Variants in ADORA1 observed in about 807,000 individuals in gnomAD.
The protein encoded by ADORA1 is adenosine A1 receptor.
A neutral mutation model predicts 19.9 loss-of-function variants in ADORA1; 6 were observed. The ratio of observed to expected loss-of-function variants is 0.30; its 90% CI spans 0.17 to 0.59. The LOEUF is 0.59. Ranked by LOEUF, ADORA1 falls within the 20% of genes least tolerant of loss-of-function variation. The pLI is 0.87. For synonymous variants in ADORA1, 194 were observed against 188.4 expected (o/e 1.03, Z -0.24); for missense variants, 302 against 439.2 (o/e 0.69, Z 2.79).
intron 3 of ADORA1, among the ~76,000 whole-genome samples, chr1:203,134,138 G>C (rs1167509787): frequency 6.6e-6 from 1 of 152,188 alleles, no homozygotes; most frequent in East Asian, 1.9e-4. Context: ...GCGGACTGAG[G>C]AGGAAACTGA....
At position 203,166,563 on chromosome 1, in the gene ADORA1, G is replaced by A. The variant is rs1284174511; in HGVS notation, c.*663G>A. ...GATTGTACGTGGGAGAGGCAGAAAGGGTAGGTTCAGTAATCATTTCTGATA... is the reference window on the plus strand; with the variant it reads ...GATTGTACGTGGGAGAGGCAGAAAGAGTAGGTTCAGTAATCATTTCTGATA... On this transcript the variant is annotated 3_prime_UTR_variant, in exon 4 of 4. Coordinates refer to ENST00000337894, the MANE Select transcript of ADORA1 (RefSeq NM_000674.3). The A allele has an allele frequency of 6.6e-6, 1 of 152,494 alleles. No individual in the cohort carries two copies. Among genetic ancestry groups the A allele is most frequent in the African/African-American group, 2.4e-5 (1 of 41,448 alleles). The allele number at this position is 152,494 out of a possible 1,614,324, so 9.4% of individuals were successfully genotyped here.
At position 203,166,217 on chromosome 1, in the gene ADORA1, C is replaced by T. The variant is rs1655549669; in HGVS notation, c.*317C>T. ...TCCAGAGCTTCAGGGCTGGGCAGGT[C>T]CTGGGGAGGCTGAGACTGCAGAGGA... is the stretch of plus-strand genomic sequence containing the variant. On this transcript the variant is annotated 3_prime_UTR_variant, in exon 4 of 4. Coordinates refer to ENST00000337894, the MANE Select transcript of ADORA1 (RefSeq NM_000674.3). The T allele has an allele frequency of 7.7e-6, 2 of 258,296 alleles. No individual in the cohort carries two copies. The highest frequency in any genetic ancestry group is 1.5e-5 in the Non-Finnish European group (2 of 137,368). 16.0% of individuals were successfully genotyped at this position (258,296 alleles called of 1,614,324 possible).
At position 203,128,493 on chromosome 1, in the gene ADORA1, C is replaced by T. The variant is rs1654226127; in HGVS notation, c.-58+61C>T. On this transcript the variant is annotated intron_variant, in intron 2 of 3. Coordinates refer to ENST00000337894, the MANE Select transcript of ADORA1 (RefSeq NM_000674.3). The surrounding 1 kb of genome is among the most constrained non-coding windows in gnomAD (Gnocchi z 5.9). Reference sequence around the variant, plus strand: ...GGGCAGAGCCAGTCATGGGAGACCCCTCTGTGCGTGTGTCTGTGTGTGCGC... The same window carrying T: ...GGGCAGAGCCAGTCATGGGAGACCCTTCTGTGCGTGTGTCTGTGTGTGCGC... 7 of 1,212,348 alleles carry T rather than the reference C, an allele frequency of 5.8e-6. No individual in the cohort carries two copies. The highest frequency in any genetic ancestry group is 7.6e-6 in the Non-Finnish European group (7 of 920,382). 75.1% of individuals were successfully genotyped at this position (1,212,348 alleles called of 1,614,324 possible). A position where few individuals can be genotyped will look rare whatever the true frequency, so the allele number is the denominator to read the frequency against.
At chr1:203,157,535 G>A (rs1337363524) in intron 3 of ADORA1, among the ~76,000 whole-genome samples, 1 of 152,222 alleles carries the variant, frequency 6.6e-6, no homozygotes, top group Non-Finnish European at 1.5e-5. Flanking sequence ...CAGTGCTGGT[G>A]TCTGGGCAGT....
At position 203,163,861 on chromosome 1, in the gene ADORA1, C is replaced by T. The variant is rs115378729; in HGVS notation, c.342-1400C>T. ...AGCCGCAGATTCTGCATCCCTGGGG[C>T]GGAAGGAAACAGTCGGCAGCCTCTC... On this transcript the variant is annotated intron_variant, in intron 3 of 3. Transcript: ENST00000337894. 4.2e-3 allele frequency among the ~76,000 whole-genome samples: 647 copies of T among 152,260 alleles called. 7 individuals are homozygous for T. The highest frequency in any genetic ancestry group is 0.013 in the African/African-American group (553 of 41,538).
chr1:203,165,166 C>A lies in ADORA1; in HGVS notation c.342-95C>A. ...CCGGGCCCTGGAAGAGGAGGGTGCTCCTCTTAGAGGCCCCTGGAGGCCAGG... is the reference window on the plus strand; with the variant it reads ...CCGGGCCCTGGAAGAGGAGGGTGCTACTCTTAGAGGCCCCTGGAGGCCAGG... On this transcript the variant is annotated intron_variant, in intron 3 of 3. Coordinates refer to ENST00000337894, the MANE Select transcript of ADORA1 (RefSeq NM_000674.3). The surrounding 1 kb of genome is among the most constrained non-coding windows in gnomAD (Gnocchi z 5.9). 6.3e-7 allele frequency: 1 copy of A among 1,591,960 alleles called. No individual in the cohort carries two copies. The highest frequency in any genetic ancestry group is 8.5e-7 in the Non-Finnish European group (1 of 1,169,888).
intron 3 of ADORA1, among the ~76,000 whole-genome samples, chr1:203,148,469 T>G (rs573408785): frequency 1.3e-5 from 2 of 152,174 alleles, no homozygotes; most frequent in East Asian, 3.8e-4. Context: ...TGAGAGGTGA[T>G]GTGATTCGCT....
intron 3 of ADORA1, among the ~76,000 whole-genome samples, chr1:203,133,116 C>CT (rs1244047119): frequency 0.027 from 3,806 of 140,784 alleles, 159 homozygotes; most frequent in African/African-American, 0.08. Flanking sequence ...ATAGACAATT[C>CT]TTTTTTTTTT....
chr1:203,140,347 G>T (rs1278278332), intron 3 of ADORA1, among the ~76,000 whole-genome samples: 1 of 152,194 alleles, frequency 6.6e-6, no homozygotes, highest in Non-Finnish European at 1.5e-5. Context: ...ACTGGAAATA[G>T]GTTGAGGTGC....
intron 3 of ADORA1, among the ~76,000 whole-genome samples, chr1:203,142,648 G>A (rs893857354): frequency 6.6e-6 from 1 of 152,192 alleles, no homozygotes; most frequent in African/African-American, 2.4e-5. Flanking sequence ...CTGGTCTCCT[G>A]ACTCTCACCT....
In ADORA1 at chr1:203,127,933, G is replaced by C. The variant is rs1654201730; in HGVS notation, c.-213+5G>C. 6.2e-6 allele frequency: 1 copy of C among 160,356 alleles called. No homozygotes were observed. Among genetic ancestry groups the C allele is most frequent in the African/African-American group, 2.4e-5 (1 of 41,544 alleles). The allele number at this position is 160,356 out of a possible 1,614,324, so 9.9% of individuals were successfully genotyped here. ...TGCCAGCTTTGGTGACCTTGGGTAAGTCTGAGTCTCGGTTCACCCCTGGGG... is the reference window on the plus strand; with the variant it reads ...TGCCAGCTTTGGTGACCTTGGGTAACTCTGAGTCTCGGTTCACCCCTGGGG... On this transcript the variant is annotated splice_donor_5th_base_variant and intron_variant, in intron 1 of 3. Transcript: ENST00000337894.
intron 3 of ADORA1, among the ~76,000 whole-genome samples, chr1:203,130,871 GA>G (rs1296309316): frequency 6.6e-6 from 1 of 152,190 alleles, no homozygotes. Flanking sequence ...TGTGGCTTTG[GA>G]GCTGGGGTCC....
chr1:203,160,312 T>A (rs1655322532), intron 3 of ADORA1, among the ~76,000 whole-genome samples: 1 of 152,208 alleles, frequency 6.6e-6, no homozygotes, highest in South Asian at 2.1e-4. Flanking sequence ...TTTTGGAATA[T>A]TTGCATTATA....
intron 3 of ADORA1, chr1:203,150,920 C>T (rs1198330699): frequency 1.6e-5 from 12 of 765,990 alleles, no homozygotes; most frequent in Non-Finnish European, 2.2e-5. Context: ...CCTCAGAGCA[C>T]AGCATCCCAA....
intron 3 of ADORA1, among the ~76,000 whole-genome samples, chr1:203,133,373 C>A (rs1490101596): frequency 6.6e-6 from 1 of 152,150 alleles, no homozygotes; most frequent in African/African-American, 2.4e-5. Flanking sequence ...CCTTGGCTTC[C>A]CAAAGTGCTG....
intron 3 of ADORA1, among the ~76,000 whole-genome samples, chr1:203,136,128 C>G (rs914251708): frequency 6.6e-6 from 1 of 152,132 alleles, no homozygotes; most frequent in Non-Finnish European, 1.5e-5. Flanking sequence ...GCTCCTTGGG[C>G]GGCATGAATC....
chr1:203,152,183 C>T (rs1244823179), intron 3 of ADORA1, among the ~76,000 whole-genome samples: 3 of 152,264 alleles, frequency 2.0e-5, no homozygotes, highest in Non-Finnish European at 4.4e-5. Flanking sequence ...CCAGCTCACT[C>T]CTGGCACAGC....
intron 3 of ADORA1, among the ~76,000 whole-genome samples, chr1:203,147,715 A>G (rs1287228929): frequency 3.3e-5 from 5 of 152,230 alleles, no homozygotes; most frequent in African/African-American, 1.2e-4. Context: ...ACTGGGGAAT[A>G]TAAAACCACA....
At chr1:203,134,084 G>C (rs964394614) in intron 3 of ADORA1, among the ~76,000 whole-genome samples, 18 of 152,248 alleles carry the variant, frequency 1.2e-4, no homozygotes, top group African/African-American at 4.1e-4. Context: ...GTCTAAGAGG[G>C]AAGAGGAGTT....
Sources: gnomAD v4.1 joint callset for allele counts (sites outside exome capture counted in the v4.1 genomes callset) on GRCh38, gnomAD v4.1.1 for gene constraint, Gnocchi (gnomAD v3.1) non-coding constraint, MANE v1.5 for transcripts, NCBI Gene and HGNC (gene_info 2026-07-23, HGNC 2026-07-21) for gene names.